Variants in ZNF30 observed in about 807,000 individuals in gnomAD.
ZNF30 encodes zinc finger protein 30 (KOX 28).
In ZNF30, 15 loss-of-function variants were observed where a neutral mutation model predicts 13.2. That is an observed-to-expected ratio of 1.13 (90% confidence interval 0.76 to 1.75). ZNF30 has a LOEUF of 1.75. Among genes scored for constraint, ZNF30 ranks in the 40% most tolerant of loss-of-function variants. The pLI, the probability that ZNF30 is intolerant of heterozygous loss-of-function variation, is 0.00. For missense variants in ZNF30, 726 were observed against 757.0 expected, an observed-to-expected ratio of 0.96 and a Z score of 0.48; for synonymous variants, 223 against 256.6, an observed-to-expected ratio of 0.87 and a Z score of 1.25.
rs375067050 is a variant in ZNF30 at position 34,940,921 on chromosome 19, A to T, written c.257-2302A>T. ...GAACCAGATATGGAAGAATTATCCC[A>T]ATTATCTAATTTCCTGATTTCTTAT... On this transcript the variant is annotated intron_variant, in intron 4 of 4. Coordinates refer to ENST00000601142, the MANE Select transcript of ZNF30 (RefSeq NM_194325.3). 7.2e-5 allele frequency among the ~76,000 whole-genome samples: 11 copies of T among 152,278 alleles called. No individual in the cohort carries two copies. In the East Asian group the frequency reaches 1.4e-3, roughly 19 times the overall value.
At chr19:34,932,779 T>C (rs1290175769) in intron 3 of ZNF30, among the ~76,000 whole-genome samples, 3 of 147,298 alleles carry the variant, frequency 2.0e-5, no homozygotes, top group Admixed American at 2.0e-4. Context: ...ATGTCATACT[T>C]TCTTTTTTTT....
intron 4 of ZNF30, among the ~76,000 whole-genome samples, chr19:34,940,667 C>CAAAAAAAAAAAA (rs59553578): frequency 4.7e-5 from 3 of 63,914 alleles, no homozygotes; most frequent in Non-Finnish European, 6.7e-5. Flanking sequence ...GACTCCGTCT[C>CAAAAAAAAAAAA]AAAAAAAAAA....
At chr19:34,923,985 C>A (rs781541277), upstream of ZNF30, 65 of 152,156 alleles carry the variant, frequency 4.3e-4, no homozygotes, top group Non-Finnish European at 7.9e-4. Context: ...CTGACAGTGG[C>A]CAGAGAAAGT....
chr19:34,933,670 A>C lies in ZNF30; in HGVS notation c.203A>C (p.Gln68Pro), dbSNP rs761283413. The stretch of plus-strand genomic sequence containing the variant: ...CCACATGTGATCGCCTTATTGGAAC[A>C]ATGGAAAGAGCCTGAAGTGACAGTG... ...SKPHVIALLEQWKEPEVTVRK... is the reference protein window; with the variant it reads ...SKPHVIALLEPWKEPEVTVRK... Residue 68 changes from glutamine (Q) to proline (P), a missense_variant, in exon 4 of 5, where the codon CAA becomes CCA. Coordinates refer to ENST00000601142, the MANE Select transcript of ZNF30 (RefSeq NM_194325.3). 6.2e-7 allele frequency: 1 copy of C among 1,601,850 alleles called. No individual in the cohort carries two copies. The highest frequency in any genetic ancestry group is 1.3e-5 in the African/African-American group (1 of 74,850).
In ZNF30 at chr19:34,944,485, A is replaced by G. The variant is rs371179747; in HGVS notation, c.1519A>G (p.Thr507Ala). Residue 507 changes from threonine to alanine, a missense_variant, in exon 5 of 5, where the codon ACT (threonine) becomes GCT (alanine). Physicochemically the swap from Thr to Ala is moderately conservative, Grantham distance 58. Coordinates refer to ENST00000601142, the MANE Select transcript of ZNF30 (RefSeq NM_194325.3). ...CCTTGTACAACATAGCAGAATCCAT[A>G]CTGGTAAGAAGCCCTATGAGTGTAA... ...SYLVQHSRIH[T>A]GKKPYECKEC... The G allele has an allele frequency of 8.1e-6, 13 of 1,613,430 alleles. No homozygotes were observed. The African/African-American group carries it at 1.5e-4, about 18-fold the overall frequency.
rs766436875 is a variant in ZNF30, at chr19:34,943,385, G to T, written c.419G>T (p.Arg140Ile). ...GACTCAAAGCCTGTTCAACATGAAA[G>T]AATACATAGTAGTGAAAAACCCAAC... ...CQDSKPVQHE[R>I]IHSSEKPNRC... The change falls in exon 5 of 5, where the codon AGA (arginine) becomes ATA (isoleucine). Residue 140 changes from arginine (R) to isoleucine (I), a missense_variant. Transcript: ENST00000601142. 5.6e-6 allele frequency: 9 copies of T among 1,613,818 alleles called. No homozygotes were observed. The highest frequency in any genetic ancestry group is 1.7e-5 in the Admixed American group (1 of 59,986).
rs1373561646 is a variant in ZNF30, at chr19:34,943,383, A to G, written c.417A>G (p.Glu139=). 1.2e-6 allele frequency: 2 copies of G among 1,613,884 alleles called. No individual in the cohort carries two copies. The highest frequency in any genetic ancestry group is 2.7e-5 in the African/African-American group (2 of 74,936). ...LCQDSKPVQH[E]RIHSSEKPNR... ...AAGACTCAAAGCCTGTTCAACATGA[A>G]AGAATACATAGTAGTGAAAAACCCA... The change falls in exon 5 of 5, where the codon GAA becomes GAG. Residue 139 remains glutamate, a synonymous_variant. Transcript: ENST00000601142.
chr19:34,943,253 G>A lies in ZNF30; in HGVS notation c.287G>A (p.Cys96Tyr). The A allele has an allele frequency of 1.2e-6, 2 of 1,602,438 alleles. No individual in the cohort carries two copies. The highest frequency in any genetic ancestry group is 1.7e-6 in the Non-Finnish European group (2 of 1,174,344). Residue 96 changes from cysteine (C) to tyrosine (Y), a missense_variant, in exon 5 of 5, where the codon TGT (cysteine) becomes TAT (tyrosine). By Grantham distance (194) the Cys-to-Tyr change is radical. Transcript: ENST00000601142. ...CAGTTGGAAGATGATACAATCGGCT[G>A]TAAAGAAATGCCCACCTCTGAAAAC... ...DLQLEDDTIG[C>Y]KEMPTSENCP...
In ZNF30 at chr19:34,944,232, T is replaced by C. The variant is rs761447386; in HGVS notation, c.1266T>C (p.His422=). Residue 422 remains histidine (H), a synonymous_variant, in exon 5 of 5, where the codon CAT becomes CAC. Transcript: ENST00000601142. ...GSYLVQHQRI[H]TGEKPYECKE... is the part of the protein sequence containing the mutation. ...ACCTTGTTCAGCATCAGAGGATCCA[T>C]ACTGGGGAGAAACCCTATGAATGTA... The C allele has an allele frequency of 1.1e-5, 18 of 1,613,568 alleles. No homozygotes were observed. In the South Asian group the frequency reaches 1.6e-4, roughly 15 times the overall value.
At position 34,943,571 on chromosome 19, in the gene ZNF30, A is replaced by G. The variant is rs922230292; in HGVS notation, c.605A>G (p.Lys202Arg). Residue 202 changes from lysine (K) to arginine (R), a missense_variant, in exon 5 of 5, where the codon AAG (lysine) becomes AGG (arginine). Coordinates refer to ENST00000601142, the MANE Select transcript of ZNF30 (RefSeq NM_194325.3). ...VKHGRIHTGE[K>R]PLKCKQCGKT... Reference sequence around the variant, plus strand: ...CATGGGAGAATTCACACTGGTGAGAAGCCACTCAAATGTAAGCAATGTGGA... The same window carrying G: ...CATGGGAGAATTCACACTGGTGAGAGGCCACTCAAATGTAAGCAATGTGGA... 3 of 1,613,656 alleles carry G rather than the reference A, an allele frequency of 1.9e-6. No individual in the cohort carries two copies. The highest frequency in any genetic ancestry group is 2.5e-6 in the Non-Finnish European group (3 of 1,179,826).
intron 3 of ZNF30, 28 bp from the exon 4 acceptor site, chr19:34,933,600 C>A (rs2859486): frequency 0.36 from 546,329 of 1,514,496 alleles, 103,344 homozygotes; most frequent in African/African-American, 0.66. Context: ...TATTTTATTT[C>A]TTTTCTACAT....
At chr19:34,934,065 G>A (rs953276071) in intron 4 of ZNF30, among the ~76,000 whole-genome samples, 3 of 151,854 alleles carry the variant, frequency 2.0e-5, no homozygotes, top group Admixed American at 1.3e-4. Flanking sequence ...GACAGTAATA[G>A]TTGAACAGAG....
In ZNF30 at chr19:34,944,354, A is replaced by G. The variant is rs200744693; in HGVS notation, c.1388A>G (p.Lys463Arg). The change falls in exon 5 of 5, where the codon AAG becomes AGG. Residue 463 changes from lysine (K) to arginine (R), a missense_variant. Coordinates refer to ENST00000601142, the MANE Select transcript of ZNF30 (RefSeq NM_194325.3). ...EKPYECKECG[K>R]AFRVHVHLTQ... ...CCCTATGAGTGTAAGGAATGTGGCA[A>G]GGCCTTCAGAGTGCACGTACATCTC... The G allele has an allele frequency of 6.2e-6, 10 of 1,614,236 alleles. No individual in the cohort carries two copies. In the African/African-American group the frequency reaches 1.3e-4, roughly 22 times the overall value.
Position 34,931,961 on chromosome 19 carries a change from T to A in ZNF30, c.128T>A (p.Met43Lys). The stretch of plus-strand genomic sequence containing the variant: ...CAGAGGGGCTTGTACAGAGATGTGA[T>A]GTTGGAGAACTACAGGAACTTGGTG... ...SSQRGLYRDV[M>K]LENYRNLVSM... Residue 43 changes from methionine to lysine, a missense_variant, in exon 3 of 5, where the codon ATG (methionine) becomes AAG (lysine). By Grantham distance (95) the Met-to-Lys change is moderately conservative. Coordinates refer to ENST00000601142, the MANE Select transcript of ZNF30 (RefSeq NM_194325.3). 1.9e-6 allele frequency: 3 copies of A among 1,603,358 alleles called. No individual in the cohort carries two copies. In the South Asian group the frequency reaches 3.4e-5, roughly 18 times the overall value.
Position 34,933,484 on chromosome 19 carries a change from A to G in ZNF30, c.161-144A>G, listed in dbSNP as rs2012567699. 3 of 537,982 alleles carry G rather than the reference A, an allele frequency of 5.6e-6. No individual in the cohort carries two copies. In the South Asian group the frequency reaches 5.8e-5, roughly 10 times the overall value. 33.3% of individuals were successfully genotyped at this position (537,982 alleles called of 1,614,324 possible). A position where few individuals can be genotyped will look rare whatever the true frequency, so the allele number is the denominator to read the frequency against. The stretch of plus-strand genomic sequence containing the variant: ...TAAAACCGTTCTCTACCTGTCTGGA[A>G]TTATGAATCCCCTTGCCCTTCTCGT... On this transcript the variant is annotated intron_variant, in intron 3 of 4. Coordinates refer to ENST00000601142, the MANE Select transcript of ZNF30 (RefSeq NM_194325.3).
At chr19:34,926,688 A>T (rs1568532469), upstream of ZNF30, 1 of 351,800 alleles carries the variant, frequency 2.8e-6, no homozygotes. Context: ...TTTGGTATAG[A>T]TTATCATTTT....
chr19:34,925,809 C>T (rs893863159), upstream of ZNF30, among the ~76,000 whole-genome samples: 1 of 152,106 alleles, frequency 6.6e-6, no homozygotes, highest in Non-Finnish European at 1.5e-5. Flanking sequence ...CAGCACTCCC[C>T]TTCCCCACCT....
chr19:34,935,483 A>G, intron 4 of ZNF30, among the ~76,000 whole-genome samples: 1 of 151,956 alleles, frequency 6.6e-6, no homozygotes, highest in African/African-American at 2.4e-5. Flanking sequence ...TCCCAGTCTT[A>G]CCTGCTCTTC....
intron 4 of ZNF30, among the ~76,000 whole-genome samples, chr19:34,937,840 C>T (rs2651104): frequency 0.43 from 64,751 of 151,934 alleles, 15,428 homozygotes; most frequent in African/African-American, 0.66. Flanking sequence ...ACTCTGTCAC[C>T]CAGGCTAGAG....
Sources: allele counts gnomAD v4.1 joint callset (sites outside exome capture counted in the v4.1 genomes callset), GRCh38; gene constraint gnomAD v4.1.1; transcripts MANE v1.5; gene names NCBI Gene and HGNC (gene_info 2026-07-23, HGNC 2026-07-21).